The following FOXN3 variants were observed in gnomAD, a reference collection of about 807,000 sequenced individuals.
FOXN3 encodes forkhead box protein N3.
FOXN3 carries 7 observed loss-of-function variants against 38.4 expected under a neutral mutation model. The observed-to-expected ratio is 0.18, with a 90% CI of 0.10 to 0.34. The LOEUF is 0.34. Among genes scored for constraint, FOXN3 ranks in the 10% least tolerant of loss-of-function variants. The probability of loss-of-function intolerance (pLI) is 1.00; values close to 1 mark genes in which losing one functional copy is unlikely to be tolerated. For missense variants in FOXN3, 456 were observed against 613.4 expected, an observed-to-expected ratio of 0.74 and a Z score of 2.71; for synonymous variants, 230 against 242.2, an observed-to-expected ratio of 0.95 and a Z score of 0.47.
intron 3 of FOXN3, among the ~76,000 whole-genome samples, chr14:89,328,016 G>T (rs1301880484): frequency 2.0e-5 from 3 of 152,220 alleles, no homozygotes; most frequent in Non-Finnish European, 4.4e-5. Context: ...CCAGACCACA[G>T]GCTAATGCCT....
intron 1 of FOXN3, among the ~76,000 whole-genome samples, chr14:89,588,553 G>A (rs1895893270): frequency 6.6e-6 from 1 of 152,166 alleles, no homozygotes; most frequent in African/African-American, 2.4e-5. Flanking sequence ...GTTACGTAGA[G>A]AGCTCACTAA....
intron 3 of FOXN3, among the ~76,000 whole-genome samples, chr14:89,301,999 C>T (rs909427266): frequency 4.6e-5 from 7 of 152,066 alleles, no homozygotes; most frequent in African/African-American, 7.2e-5. Flanking sequence ...CTCTGCTGTT[C>T]GCAAACTGTC....
chr14:89,524,940 C>T (rs1170076802), intron 1 of FOXN3, among the ~76,000 whole-genome samples: 2 of 152,110 alleles, frequency 1.3e-5, no homozygotes, highest in Admixed American at 1.3e-4. Context: ...CTCTCTACCC[C>T]AAAAACAAGA....
intron 1 of FOXN3, among the ~76,000 whole-genome samples, chr14:89,609,131 G>A (rs145938452): frequency 4.5e-4 from 68 of 152,270 alleles, no homozygotes; most frequent in African/African-American, 1.4e-3. Context: ...TTAATAAGTG[G>A]GGCAAGATTA....
At chr14:89,290,147 G>C (rs1886822996) in intron 3 of FOXN3, 2 of 190,156 alleles carry the variant, frequency 1.1e-5, no homozygotes, top group Non-Finnish European at 2.2e-5. Flanking sequence ...GCAACTTCCA[G>C]TTCTTTACTG....
intron 1 of FOXN3, among the ~76,000 whole-genome samples, chr14:89,470,780 C>T (rs1030739255): frequency 6.6e-6 from 1 of 152,144 alleles, no homozygotes; most frequent in Non-Finnish European, 1.5e-5. Flanking sequence ...AGATTTTCAG[C>T]CAATGCCTCG....
At chr14:89,190,543 A>G in intron 4 of FOXN3, 2 of 978,560 alleles carry the variant, frequency 2.0e-6, no homozygotes, top group African/African-American at 1.7e-5. Context: ...TGAATGCAAC[A>G]GAGAAAAAAA....
rs1891945356 is a variant in FOXN3 at position 89,422,949 on chromosome 14, T to C, written c.-14-10459A>G. Among the ~76,000 whole-genome samples, 4 of 152,174 alleles carry C rather than the reference T, an allele frequency of 2.6e-5. No homozygotes were observed. In the South Asian group the frequency reaches 8.3e-4, roughly 32 times the overall value. On this transcript the variant is annotated intron_variant, in intron 1 of 6. Transcript: ENST00000345097. ...GGCTGCTGGAGGCAAAATGGAAATA[T>C]AGAACCTGTCAACTCCTCTTTGAGC...
chr14:89,566,304 T>C (rs1301690668), intron 1 of FOXN3, among the ~76,000 whole-genome samples: 1 of 50,690 alleles, frequency 2.0e-5, no homozygotes, highest in African/African-American at 3.8e-5. Context: ...TTTAATCAGA[T>C]TTTTTTTTTC....
Position 89,450,244 on chromosome 14 carries a change from TCTC to T in FOXN3, c.-14-37757_-14-37755del, listed in dbSNP as rs771332942. 1.2e-3 allele frequency among the ~76,000 whole-genome samples: 183 copies of T among 152,308 alleles called. 1 individual carries two copies. The highest frequency in any genetic ancestry group is 2.1e-3 in the Non-Finnish European group (143 of 68,024). On this transcript the variant is annotated intron_variant, in intron 1 of 6. Coordinates refer to the FOXN3 transcript ENST00000345097. Reference sequence around the variant, plus strand: ...CAATGTTGTTGTACCTGAATCTCTGTCTCCTCTTCTATTAAGACACCAATCATT... The same window carrying T: ...CAATGTTGTTGTACCTGAATCTCTGTCTCTTCTATTAAGACACCAATCATT...
At chr14:89,479,668 T>C (rs942905802) in intron 1 of FOXN3, among the ~76,000 whole-genome samples, 3 of 152,184 alleles carry the variant, frequency 2.0e-5, no homozygotes, top group African/African-American at 7.2e-5. Context: ...ATAGCACAAA[T>C]ACTTTTTGAA....
At chr14:89,575,727 C>T (rs1483235497) in intron 1 of FOXN3, among the ~76,000 whole-genome samples, 2 of 152,144 alleles carry the variant, frequency 1.3e-5, no homozygotes, top group African/African-American at 2.4e-5. Flanking sequence ...CAGAGGATAC[C>T]GATGGTCTCT....
At chr14:89,602,412 G>A (rs1159732298) in intron 1 of FOXN3, among the ~76,000 whole-genome samples, 2 of 152,086 alleles carry the variant, frequency 1.3e-5, no homozygotes, top group African/African-American at 4.8e-5. Flanking sequence ...CCTAGAACAA[G>A]AACATTTTCA....
At chr14:89,555,882 G>GGGGGGT (rs1895112250) in intron 1 of FOXN3, among the ~76,000 whole-genome samples, 1 of 104,598 alleles carries the variant, frequency 9.6e-6, no homozygotes. Context: ...TGTGTATGTG[G>GGGGGGT]GGGTGTATGT....
intron 1 of FOXN3, among the ~76,000 whole-genome samples, chr14:89,531,901 C>T (rs953661064): frequency 4.6e-5 from 7 of 152,196 alleles, no homozygotes; most frequent in African/African-American, 1.7e-4. Flanking sequence ...CCTCCACCTT[C>T]CAGGTTCAAG....
chr14:89,531,724 TGATGCATC>T (rs912012186), intron 1 of FOXN3, among the ~76,000 whole-genome samples: 1 of 152,256 alleles, frequency 6.6e-6, no homozygotes, highest in African/African-American at 2.4e-5. Flanking sequence ...AACTTCCAGG[TGATGCATC>T]AGCAAAGTAC....
intron 4 of FOXN3, 84 bp from the exon 5 acceptor site, chr14:89,180,890 C>A: frequency 4.2e-6 from 3 of 712,248 alleles, no homozygotes; most frequent in East Asian, 3.4e-5. Context: ...CTGGATAGAC[C>A]AATAAGAGAG....
intron 1 of FOXN3, among the ~76,000 whole-genome samples, chr14:89,476,160 C>T (rs1335940501): frequency 1.3e-5 from 2 of 152,090 alleles, no homozygotes; most frequent in African/African-American, 2.4e-5. Context: ...AAACACACAC[C>T]TTTTTGTACT....
chr14:89,592,039 C>A (rs1336477518), intron 1 of FOXN3, among the ~76,000 whole-genome samples: 2 of 152,052 alleles, frequency 1.3e-5, no homozygotes, highest in Non-Finnish European at 1.5e-5. Context: ...GAAGAGAAGG[C>A]ATTGCTTATG....
Sources: allele counts gnomAD v4.1 joint callset (sites outside exome capture counted in the v4.1 genomes callset), GRCh38; gene constraint gnomAD v4.1.1; transcripts MANE v1.5; gene names NCBI Gene and HGNC (gene_info 2026-07-23, HGNC 2026-07-21).